The following SEPTIN14 variants were observed in gnomAD, a reference collection of about 807,000 sequenced individuals.
SEPTIN14 encodes septin 14, also known as septin-14.
A neutral mutation model predicts 53.6 loss-of-function variants in SEPTIN14; 40 were observed. The observed-to-expected ratio is 0.75, with a 90% CI of 0.58 to 0.97. SEPTIN14 has a LOEUF of 0.97. Ranked by LOEUF, SEPTIN14 falls within the 50% of genes least tolerant of loss-of-function variation. The pLI is 0.00. For synonymous variants in SEPTIN14, 138 were observed against 166.8 expected (o/e 0.83, Z 1.33); for missense variants, 471 against 508.2 (o/e 0.93, Z 0.70).
rs141795807 is a variant in SEPTIN14, at chr7:55,838,705, G to C, written c.559-4119C>G. Among the ~76,000 whole-genome samples, 423 of 152,008 alleles carry C rather than the reference G, an allele frequency of 2.8e-3. 5 individuals are homozygous for C. Among genetic ancestry groups the C allele is most frequent in the Middle Eastern group, 0.01 (3 of 294 alleles). On this transcript the variant is annotated intron_variant, in intron 5 of 9. Transcript: ENST00000388975. ...CAATCCCACAGGTGCACACCACCAT[G>C]CCTGGCTAATTTTTCTATTTTTTTG... is the stretch of plus-strand genomic sequence containing the variant.
At chr7:55,826,775 C>A (rs1305524333) in intron 6 of SEPTIN14, among the ~76,000 whole-genome samples, 1 of 142,940 alleles carries the variant, frequency 7.0e-6, no homozygotes, top group East Asian at 2.0e-4. Context: ...CCAGCCTGGG[C>A]AACAAGAGTA....
chr7:55,826,766 C>T (rs1054015870), intron 6 of SEPTIN14, among the ~76,000 whole-genome samples: 9 of 149,750 alleles, frequency 6.0e-5, no homozygotes, highest in African/African-American at 2.2e-4. Flanking sequence ...CATTGTACTC[C>T]AGCCTGGGCA....
At chr7:55,839,872 C>T (rs536462004) in intron 5 of SEPTIN14, among the ~76,000 whole-genome samples, 2 of 152,182 alleles carry the variant, frequency 1.3e-5, no homozygotes, top group African/African-American at 2.4e-5. Context: ...GGGTCAGGTG[C>T]GATGGCTCAC....
chr7:55,810,799 C>A, intron 7 of SEPTIN14: 1 of 208,492 alleles, frequency 4.8e-6, no homozygotes, highest in South Asian at 7.3e-5. Context: ...TAAATCCGCT[C>A]TCCTGTGGCA....
chr7:55,815,199 A>G (rs967095165), intron 7 of SEPTIN14, among the ~76,000 whole-genome samples: 3 of 152,314 alleles, frequency 2.0e-5, no homozygotes, highest in African/African-American at 7.2e-5. Context: ...ACTACAAAAA[A>G]CATTGGGGAA....
chr7:55,837,551 C>T (rs141784926), intron 5 of SEPTIN14, among the ~76,000 whole-genome samples: 4 of 152,134 alleles, frequency 2.6e-5, no homozygotes, highest in East Asian at 1.9e-4. Context: ...TTTGTGAAAG[C>T]AGGCAGCTTG....
intron 7 of SEPTIN14, among the ~76,000 whole-genome samples, chr7:55,809,267 G>A (rs1584253167): frequency 2.0e-5 from 3 of 151,656 alleles, no homozygotes; most frequent in South Asian, 2.1e-4. Flanking sequence ...CTTGAGGGTG[G>A]AGGGTGGGAG....
chr7:55,861,896 T>A lies in SEPTIN14; in HGVS notation c.54+47A>T, dbSNP rs1159964257. 8.4e-6 allele frequency: 10 copies of A among 1,186,162 alleles called. No homozygotes were observed. In the Admixed American group the frequency reaches 2.6e-4, roughly 30 times the overall value. The allele number at this position is 1,186,162 out of a possible 1,614,324, so 73.5% of individuals were successfully genotyped here. Reference sequence around the variant, plus strand: ...GTCAATATTTTTAGGCTATATAATCTTATTGAAGTACAAAATGCAGAGTTA... The same window carrying A: ...GTCAATATTTTTAGGCTATATAATCATATTGAAGTACAAAATGCAGAGTTA... On this transcript the variant is annotated intron_variant, in intron 2 of 9. Coordinates refer to ENST00000388975, the MANE Select transcript of SEPTIN14 (RefSeq NM_207366.3).
At chr7:55,823,531 G>GCATGCTGGCCCAGCCACAGGCTGAGC (rs1788933012) in intron 6 of SEPTIN14, among the ~76,000 whole-genome samples, 1 of 152,168 alleles carries the variant, frequency 6.6e-6, no homozygotes. Context: ...GCAGGCTGGG[G>GCATGCTGGCCCAGCCACAGGCTGAGC]CATGCTGGCC....
At chr7:55,846,963 G>A (rs544543196) in intron 2 of SEPTIN14, among the ~76,000 whole-genome samples, 3 of 152,180 alleles carry the variant, frequency 2.0e-5, no homozygotes, top group Non-Finnish European at 4.4e-5. Context: ...TGAGGCAGGC[G>A]GATCATGAGG....
rs768714401 is a variant in SEPTIN14, at chr7:55,795,884, T to C, written c.*29A>G. On this transcript the variant is annotated 3_prime_UTR_variant, in exon 10 of 10. Coordinates refer to ENST00000388975, the MANE Select transcript of SEPTIN14 (RefSeq NM_207366.3). ...CACAGGAAGTTGCGATGTAGAATGA[T>C]AGGGCTCTCAGAATAGTAAGAGAAA... The C allele has an allele frequency of 2.4e-5, 36 of 1,498,200 alleles. No individual in the cohort carries two copies. The East Asian group carries it at 4.7e-4, about 20-fold the overall frequency. 92.8% of individuals were successfully genotyped at this position (1,498,200 alleles called of 1,614,324 possible). A position where few individuals can be genotyped will look rare whatever the true frequency, so the allele number is the denominator to read the frequency against.
intron 6 of SEPTIN14, among the ~76,000 whole-genome samples, chr7:55,833,765 AAAACTC>A (rs923748219): frequency 9.2e-5 from 14 of 152,154 alleles, no homozygotes; most frequent in Non-Finnish European, 1.8e-4. Flanking sequence ...TTTGGGGAAA[AAAACTC>A]AAAATCAAAG....
intron 5 of SEPTIN14, among the ~76,000 whole-genome samples, chr7:55,842,370 G>A (rs1178589527): frequency 2.0e-5 from 3 of 152,066 alleles, no homozygotes; most frequent in Non-Finnish European, 4.4e-5. Context: ...ACTCTGGGAG[G>A]GCAAGGTGGG....
chr7:55,845,263 C>T (rs577959195), intron 3 of SEPTIN14, among the ~76,000 whole-genome samples: 1 of 147,824 alleles, frequency 6.8e-6, no homozygotes, highest in African/African-American at 2.5e-5. Context: ...CATCAGAGCT[C>T]ATTGTAGCGC....
At chr7:55,826,796 C>T (rs1406050471) in intron 6 of SEPTIN14, among the ~76,000 whole-genome samples, 1 of 123,570 alleles carries the variant, frequency 8.1e-6, no homozygotes, top group African/African-American at 3.3e-5. Context: ...AAACACTGTC[C>T]CAGAAAAAAA....
intron 2 of SEPTIN14, among the ~76,000 whole-genome samples, chr7:55,849,350 G>A (rs570305883): frequency 6.6e-6 from 1 of 151,262 alleles, no homozygotes; most frequent in South Asian, 2.1e-4. Context: ...AAAGCAGAAA[G>A]CAAAGAAATA....
chr7:55,857,517 G>A (rs868129179), intron 2 of SEPTIN14, among the ~76,000 whole-genome samples: 3 of 111,072 alleles, frequency 2.7e-5, no homozygotes, highest in African/African-American at 1.1e-4. Flanking sequence ...GGGAAGGGAA[G>A]GGAAAGGAAA....
At position 55,844,596 on chromosome 7, in the gene SEPTIN14, C is replaced by A; in HGVS notation, c.298G>T (p.Glu100Ter). ...GLQIQTYELQ[E>*]SNVQLKLTVV... Reference sequence around the variant, plus strand: ...GTCAATTTCAACTGAACATTGCTTTCCTGAAGTTCATATGTCTGAATTTGA... The same window carrying A: ...GTCAATTTCAACTGAACATTGCTTTACTGAAGTTCATATGTCTGAATTTGA... Residue 100 changes from glutamate (E) to a stop codon, truncating the protein, a stop_gained, in exon 4 of 10, where the codon GAA becomes TAA. Coordinates refer to ENST00000388975, the MANE Select transcript of SEPTIN14 (RefSeq NM_207366.3). LOFTEE classifies it high-confidence loss of function. The A allele has an allele frequency of 6.2e-7, 1 of 1,609,750 alleles. No homozygotes were observed. The highest frequency in any genetic ancestry group is 8.5e-7 in the Non-Finnish European group (1 of 1,176,898).
chr7:55,800,407 T>C (rs549467577), intron 9 of SEPTIN14, among the ~76,000 whole-genome samples: 8 of 152,298 alleles, frequency 5.3e-5, no homozygotes, highest in Non-Finnish European at 1.0e-4. Context: ...GTGGATCACC[T>C]GAGGTCAGGA....
Sources: allele counts gnomAD v4.1 joint callset (sites outside exome capture counted in the v4.1 genomes callset), GRCh38; gene constraint gnomAD v4.1.1; transcripts MANE v1.5; gene names NCBI Gene and HGNC (gene_info 2026-07-23, HGNC 2026-07-21).